FAM120B: variants seen among roughly 807,000 people sequenced by gnomAD.
The protein encoded by FAM120B is constitutive coactivator of peroxisome proliferator-activated receptor gamma.
FAM120B carries 83 observed loss-of-function variants against 96.3 expected under a neutral mutation model. The observed-to-expected ratio is 0.86, with a 90% CI of 0.72 to 1.03. The LOEUF (loss-of-function observed/expected upper bound fraction) is 1.03. Ranked by LOEUF, FAM120B falls within the 50% of genes least tolerant of loss-of-function variation. The probability of loss-of-function intolerance (pLI) is 0.00; values close to 1 mark genes in which losing one functional copy is unlikely to be tolerated. For missense variants in FAM120B, 1,027 were observed against 1,121.2 expected (o/e 0.92, Z 1.20); for synonymous variants, 407 against 402.7 (o/e 1.01, Z -0.13).
At chr6:170,393,907 C>T (rs1443019818) in intron 8 of FAM120B, among the ~76,000 whole-genome samples, 1 of 149,434 alleles carries the variant, frequency 6.7e-6, no homozygotes, top group East Asian at 1.9e-4. Context: ...GCCACTGCAA[C>T]ACCAAGCTAC....
chr6:170,387,074 C>T (rs887132394), intron 6 of FAM120B, among the ~76,000 whole-genome samples: 2 of 152,216 alleles, frequency 1.3e-5, no homozygotes, highest in Non-Finnish European at 2.9e-5. Flanking sequence ...CTCACTAACA[C>T]GTCCTGTTAG....
In FAM120B at chr6:170,405,571, C is replaced by A. The variant is rs1778775909; in HGVS notation, c.*820C>A. ...TCAGTTGACCATGAGTAACCGAAAC[C>A]ACAGAAAGTGAAGCTGGGGATATTT... is the stretch of plus-strand genomic sequence containing the variant. On this transcript the variant is annotated 3_prime_UTR_variant, in exon 11 of 11. Coordinates refer to ENST00000476287, the MANE Select transcript of FAM120B (RefSeq NM_032448.3). The A allele has an allele frequency of 6.6e-6, 1 of 152,212 alleles. No individual in the cohort carries two copies. Among genetic ancestry groups the A allele is most frequent in the African/African-American group, 2.4e-5 (1 of 41,464 alleles). 9.4% of individuals were successfully genotyped at this position (152,212 alleles called of 1,614,324 possible). A position where few individuals can be genotyped will look rare whatever the true frequency, so the allele number is the denominator to read the frequency against.
chr6:170,378,452 C>T (rs1344772169), intron 6 of FAM120B, among the ~76,000 whole-genome samples: 1 of 152,184 alleles, frequency 6.6e-6, no homozygotes, highest in East Asian at 1.9e-4. Context: ...TGTTTCCGTT[C>T]ATGTCCCACA....
upstream of FAM120B, among the ~76,000 whole-genome samples, chr6:170,304,360 T>C (rs1412161548): frequency 6.6e-6 from 1 of 152,208 alleles, no homozygotes; most frequent in Non-Finnish European, 1.5e-5. Flanking sequence ...CTGAAGATCT[T>C]TTCTTTATCC....
chr6:170,291,002 C>T (rs1176278647), upstream of FAM120B: 1 of 701,828 alleles, frequency 1.4e-6, no homozygotes, highest in Non-Finnish European at 2.6e-6. Flanking sequence ...AATCAGCAGC[C>T]CCCCAATCTG....
In FAM120B at chr6:170,355,535, A is replaced by G. The variant is rs36171049; in HGVS notation, c.2191-2691A>G. ...GAATGATGAGAACACAGGGTCACAT[A>G]GCAGGGAACAACACACACTGGGGAC... On this transcript the variant is annotated intron_variant, in intron 5 of 10. Transcript: ENST00000476287. Among the ~76,000 whole-genome samples the G allele has an allele frequency of 5.0e-3, 763 of 152,092 alleles. 8 individuals carry two copies. The highest frequency in any genetic ancestry group is 0.017 in the African/African-American group (715 of 41,494).
chr6:170,357,342 G>A (rs566265034), intron 5 of FAM120B, among the ~76,000 whole-genome samples: 192 of 152,168 alleles, frequency 1.3e-3, no homozygotes, highest in Non-Finnish European at 2.0e-3. Context: ...GGGTGGCACC[G>A]TCTGCTCTTG....
chr6:170,328,767 G>A (rs1785787304), intron 3 of FAM120B, among the ~76,000 whole-genome samples: 1 of 151,988 alleles, frequency 6.6e-6, no homozygotes, highest in Non-Finnish European at 1.5e-5. Flanking sequence ...CTCCTACAGG[G>A]TCCACATAGT....
At chr6:170,303,315 C>CTGCA (rs2114982557), upstream of FAM120B, among the ~76,000 whole-genome samples, 1 of 152,330 alleles carries the variant, frequency 6.6e-6, no homozygotes, top group African/African-American at 2.4e-5. Flanking sequence ...TCCCAGCTCA[C>CTGCA]TGCAGACTGA....
chr6:170,385,337 A>G (rs1790126501), intron 6 of FAM120B, among the ~76,000 whole-genome samples: 1 of 152,126 alleles, frequency 6.6e-6, no homozygotes, highest in African/African-American at 2.4e-5. Context: ...CTGTTCTGAG[A>G]AGGAAATTTG....
intron 6 of FAM120B, among the ~76,000 whole-genome samples, chr6:170,368,966 A>C (rs1788996557): frequency 8.6e-6 from 1 of 116,328 alleles, no homozygotes. Context: ...ATCAGCTCTC[A>C]TAGGCCCCCA....
Position 170,318,966 on chromosome 6 carries a change from G to T in FAM120B, c.1576G>T (p.Ala526Ser). The change falls in exon 2 of 11, where the codon GCT becomes TCT. Residue 526 changes from alanine to serine, a missense_variant. Around this residue, in one of 3 missense-constraint regions of FAM120B, gnomAD observed 880 missense variants for 980.9 expected, o/e 0.90. Coordinates refer to ENST00000476287, the MANE Select transcript of FAM120B (RefSeq NM_032448.3). Reference protein sequence around the residue: ...SKQEDSMCTHAEINQKLPVAT... With the variant: ...SKQEDSMCTHSEINQKLPVAT... ...GCAAGAAGACTCCATGTGTACACAC[G>T]CTGAAATCAATCAAAAATTACCTGT... 1 of 1,614,130 alleles carries T rather than the reference G, an allele frequency of 6.2e-7. No homozygotes were observed. Among genetic ancestry groups the T allele is most frequent in the Non-Finnish European group, 8.5e-7 (1 of 1,180,016 alleles).
intron 7 of FAM120B, among the ~76,000 whole-genome samples, chr6:170,390,002 G>A (rs1375473038): frequency 1.3e-5 from 2 of 152,338 alleles, no homozygotes; most frequent in East Asian, 1.9e-4. Flanking sequence ...GACGCTGGCT[G>A]CTGTCCAGCT....
At chr6:170,391,510 A>G (rs7762956) in intron 8 of FAM120B, among the ~76,000 whole-genome samples, 149,273 of 152,176 alleles carry the variant, frequency 0.98, 73,221 homozygotes, top group East Asian at 1. Flanking sequence ...ACTCCAGTCT[A>G]GGTGACAGAT....
At chr6:170,333,132 T>C (rs2115076285) in intron 4 of FAM120B, among the ~76,000 whole-genome samples, 1 of 152,194 alleles carries the variant, frequency 6.6e-6, no homozygotes, top group Middle Eastern at 3.4e-3. Flanking sequence ...CTGGGTGCTA[T>C]GGTTTGAATG....
intron 1 of FAM120B, among the ~76,000 whole-genome samples, chr6:170,309,379 CAA>C (rs778776265): frequency 4.6e-5 from 7 of 152,034 alleles, no homozygotes; most frequent in Admixed American, 2.0e-4. Context: ...CAGTGATGTA[CAA>C]AGAGGTTAAA....
At chr6:170,364,647 A>C (rs771469604) in intron 6 of FAM120B, among the ~76,000 whole-genome samples, 16 of 152,176 alleles carry the variant, frequency 1.1e-4, no homozygotes, top group Non-Finnish European at 2.2e-4. Context: ...ATCTTTGCAG[A>C]GCTCCCTCTG....
chr6:170,319,447 C>T (rs556113847), intron 2 of FAM120B, among the ~76,000 whole-genome samples: 1 of 152,112 alleles, frequency 6.6e-6, no homozygotes, highest in Non-Finnish European at 1.5e-5. Context: ...GCAGGTGGGT[C>T]ACCTGAGGTC....
chr6:170,291,304 G>C (rs1783865094), upstream of FAM120B, among the ~76,000 whole-genome samples: 2 of 151,962 alleles, frequency 1.3e-5, no homozygotes, highest in African/African-American at 4.8e-5. Context: ...AGAGACCCTC[G>C]GCCACACGCG....
Sources: gnomAD v4.1 joint callset for allele counts (sites outside exome capture counted in the v4.1 genomes callset) on GRCh38, gnomAD v4.1.1 for gene constraint, gnomAD v4.1.1 regional missense constraint, MANE v1.5 for transcripts, NCBI Gene and HGNC (gene_info 2026-07-23, HGNC 2026-07-21) for gene names.